HIPK2: variants seen among roughly 807,000 people sequenced by gnomAD.
The protein encoded by HIPK2 is homeodomain interacting protein kinase 2.
In HIPK2, 27 loss-of-function variants were observed where a neutral mutation model predicts 113.7. The observed-to-expected ratio is 0.24, with a 90% confidence interval of 0.17 to 0.33. HIPK2 has a LOEUF of 0.33. HIPK2 is among the 10% of genes least tolerant of loss of function. HIPK2 has a pLI of 1.00. For missense variants in HIPK2, 1,257 were observed against 1,588.0 expected (o/e 0.79, Z 3.54); for synonymous variants, 631 against 642.2 (o/e 0.98, Z 0.26).
chr7:139,600,466 T>C lies in HIPK2; in HGVS notation c.2386A>G (p.Thr796Ala). The change falls in exon 11 of 15, where the codon ACC becomes GCC. Residue 796 changes from threonine (T) to alanine (A), a missense_variant. Thr to Ala is a moderately conservative substitution (Grantham distance 58, BLOSUM62 0). Around this residue, in one of 5 missense-constraint regions of HIPK2, gnomAD observed 862 missense variants for 1,004.3 expected, o/e 0.86. Transcript: ENST00000406875. ...CTCTTCCGGGAGGAGGTGGTGCTGGTTGGCTGCTGCCGCATCACGTGGGCC... is the reference window on the plus strand; with the variant it reads ...CTCTTCCGGGAGGAGGTGGTGCTGGCTGGCTGCTGCCGCATCACGTGGGCC... Reference protein sequence around the residue: ...GVAHVMRQQPTSTTSSRKSKQ... With the variant: ...GVAHVMRQQPASTTSSRKSKQ... The C allele has an allele frequency of 6.2e-7, 1 of 1,613,956 alleles. No individual in the cohort carries two copies. Among genetic ancestry groups the C allele is most frequent in the Non-Finnish European group, 8.5e-7 (1 of 1,179,896 alleles).
Position 139,572,894 on chromosome 7 carries a change from T to TACCAG in HIPK2, c.*32_*33insCTGGT. 2 of 554,278 alleles carry TACCAG rather than the reference T, an allele frequency of 3.6e-6. No homozygotes were observed. The highest frequency in any genetic ancestry group is 6.6e-6 in the Non-Finnish European group (2 of 302,510). The allele number at this position is 554,278 out of a possible 1,614,324, so 34.3% of individuals were successfully genotyped here. A position where few individuals can be genotyped will look rare whatever the true frequency, so the allele number is the denominator to read the frequency against. On this transcript the variant is annotated 3_prime_UTR_variant, in exon 15 of 15. Transcript: ENST00000406875. ...CTCCCTCCTCCCTCGGGCCATTCTC[T>TACCAG]CCCTCCCTCCCTCCCTCCCTCCCCT...
intron 13 of HIPK2, among the ~76,000 whole-genome samples, chr7:139,578,818 G>A (rs1798575527): frequency 6.6e-6 from 1 of 152,134 alleles, no homozygotes; most frequent in South Asian, 2.1e-4. Context: ...TTACAGGTGT[G>A]TGCCACCAAA....
chr7:139,696,178 C>T (rs1346274724), intron 2 of HIPK2, among the ~76,000 whole-genome samples: 1 of 152,024 alleles, frequency 6.6e-6, no homozygotes, highest in Non-Finnish European at 1.5e-5. Context: ...GATGCAACTA[C>T]GTAAATACAC....
chr7:139,684,295 T>C (rs1488266941), intron 2 of HIPK2, among the ~76,000 whole-genome samples: 1 of 152,164 alleles, frequency 6.6e-6, no homozygotes, highest in African/African-American at 2.4e-5. Flanking sequence ...GATACAATAA[T>C]ATGGAAATTA....
chr7:139,773,196 C>T (rs780450563), intron 1 of HIPK2, among the ~76,000 whole-genome samples: 2 of 152,140 alleles, frequency 1.3e-5, no homozygotes, highest in Non-Finnish European at 2.9e-5. Context: ...GGGTGAAGGG[C>T]GCAGGGCGGT....
intron 13 of HIPK2, among the ~76,000 whole-genome samples, chr7:139,576,200 G>C (rs1268832852): frequency 6.6e-6 from 1 of 152,254 alleles, no homozygotes; most frequent in Non-Finnish European, 1.5e-5. Context: ...TCCGGGGAAT[G>C]GCCCTGTGAG....
rs141050145 is a variant in HIPK2 at position 139,586,518 on chromosome 7, C to T, written c.2718-2454G>A. Among the ~76,000 whole-genome samples the T allele has an allele frequency of 3.2e-3, 482 of 151,964 alleles. 14 individuals are homozygous for T. The highest frequency in any genetic ancestry group is 0.028 in the Admixed American group (421 of 15,250). ...GAGGGGTGGCTCATGCCTGTAATCT[C>T]GGTGCTTTGGGAGGCTGAGGTGGGA... is the stretch of plus-strand genomic sequence containing the variant. On this transcript the variant is annotated intron_variant, in intron 12 of 14. Transcript: ENST00000406875.
At chr7:139,594,516 T>A (rs1218286535) in intron 12 of HIPK2, among the ~76,000 whole-genome samples, 1 of 152,158 alleles carries the variant, frequency 6.6e-6, no homozygotes, top group African/African-American at 2.4e-5. Context: ...TACACAGTGG[T>A]TTCTCTATAA....
Position 139,567,368 on chromosome 7 carries a change from G to T in HIPK2, c.*5559C>A, listed in dbSNP as rs1798126023. On this transcript the variant is annotated 3_prime_UTR_variant, in exon 15 of 15. Transcript: ENST00000406875. ...GGGGTCACCTCCACTCCTCTTAAAA[G>T]AATAGCACAGTTTTGAAATAAATGC... is the stretch of plus-strand genomic sequence containing the variant. 3 of 150,732 alleles carry T rather than the reference G, an allele frequency of 2.0e-5. No homozygotes were observed. The highest frequency in any genetic ancestry group is 2.0e-4 in the Admixed American group (3 of 15,128). The allele number at this position is 150,732 out of a possible 1,614,324, so 9.3% of individuals were successfully genotyped here.
intron 1 of HIPK2, among the ~76,000 whole-genome samples, chr7:139,761,971 G>A (rs1345157995): frequency 6.6e-6 from 1 of 152,148 alleles, no homozygotes; most frequent in African/African-American, 2.4e-5. Context: ...CTAACTGTGT[G>A]TATGTGGAGT....
chr7:139,611,289 T>C lies in HIPK2; in HGVS notation c.2112+1913A>G, dbSNP rs146996727. On this transcript the variant is annotated intron_variant, in intron 9 of 14. Coordinates refer to ENST00000406875, the MANE Select transcript of HIPK2 (RefSeq NM_022740.5). ...GCCATTTTTCACCTATGAACATAGA[T>C]ATAAAAATACTAACTATAGTACTTA... 3.3e-4 allele frequency among the ~76,000 whole-genome samples: 50 copies of C among 152,308 alleles called. No individual in the cohort carries two copies. The East Asian group carries it at 7.7e-3, about 24-fold the overall frequency.
intron 12 of HIPK2, among the ~76,000 whole-genome samples, chr7:139,587,380 C>T (rs879909313): frequency 1.4e-5 from 2 of 145,922 alleles, no homozygotes; most frequent in African/African-American, 5.1e-5. Flanking sequence ...ATCCCAGCTA[C>T]TCAGAGCCTG....
intron 1 of HIPK2, among the ~76,000 whole-genome samples, chr7:139,750,756 G>A (rs1343957697): frequency 2.0e-5 from 3 of 152,180 alleles, no homozygotes; most frequent in African/African-American, 7.2e-5. Context: ...TTGTGGGGAT[G>A]CCAAACACCC....
intron 1 of HIPK2, among the ~76,000 whole-genome samples, chr7:139,767,055 C>A (rs978524790): frequency 1.3e-5 from 2 of 152,224 alleles, no homozygotes; most frequent in Admixed American, 1.3e-4. Context: ...GCGAAGAATG[C>A]TAAGGCCAGG....
intron 10 of HIPK2, among the ~76,000 whole-genome samples, chr7:139,602,960 G>C (rs1283320026): frequency 6.6e-6 from 1 of 152,166 alleles, no homozygotes; most frequent in African/African-American, 2.4e-5. Context: ...CATGGTTTGA[G>C]ATGGAGTCTC....
intron 2 of HIPK2, among the ~76,000 whole-genome samples, chr7:139,697,684 T>C (rs1437643094): frequency 6.6e-6 from 1 of 152,158 alleles, no homozygotes. Flanking sequence ...AATTAGTCTT[T>C]TTAAAGTGAA....
At chr7:139,676,849 TTTC>T (rs147474104) in intron 2 of HIPK2, among the ~76,000 whole-genome samples, 75,757 of 149,686 alleles carry the variant, frequency 0.51, 20,338 homozygotes, top group Non-Finnish European at 0.6. Context: ...AACCATAGTA[TTTC>T]TTTTTTTCTT....
At chr7:139,626,413 T>A (rs927560938) in intron 6 of HIPK2, among the ~76,000 whole-genome samples, 188 bp downstream of exon 6, 6 of 152,198 alleles carry the variant, frequency 3.9e-5, no homozygotes, top group African/African-American at 1.4e-4. Flanking sequence ...CTGCCCACTT[T>A]CATAAATGTT....
Position 139,614,353 on chromosome 7 carries a change from T to C in HIPK2, c.1923A>G (p.Thr641=), listed in dbSNP as rs1799948979. 2.5e-6 allele frequency: 4 copies of C among 1,583,554 alleles called. No individual in the cohort carries two copies. The highest frequency in any genetic ancestry group is 3.4e-6 in the Non-Finnish European group (4 of 1,160,046). Residue 641 remains threonine (T), a synonymous_variant, in exon 8 of 15, where the codon ACA becomes ACG. Transcript: ENST00000406875. The part of the protein sequence containing the change: ...AQRSMPLQTG[T]AQICARPDPF... ...GGTCAGGCCGGGCACAAATCTGGGC[T>C]GTTCCTGTCTGCAGGGGCATGCTCC... is the stretch of plus-strand genomic sequence containing the variant.
Sources: allele counts gnomAD v4.1 joint callset (sites outside exome capture counted in the v4.1 genomes callset), GRCh38; gene constraint gnomAD v4.1.1; regional missense constraint gnomAD v4.1.1; transcripts MANE v1.5; gene names NCBI Gene and HGNC (gene_info 2026-07-23, HGNC 2026-07-21).